Variants in VRK3 observed in about 807,000 individuals in gnomAD.
The protein encoded by VRK3 is VRK serine/threonine kinase 3.
A neutral mutation model predicts 60.4 loss-of-function variants in VRK3; 50 were observed. That is an observed-to-expected ratio of 0.83 (90% confidence interval 0.66 to 1.05). The LOEUF (loss-of-function observed/expected upper bound fraction) is 1.05. VRK3 is among the 50% of genes least tolerant of loss of function. The pLI is 0.00. For missense variants in VRK3, 549 were observed against 585.3 expected (o/e 0.94, Z 0.64); for synonymous variants, 246 against 227.8 (o/e 1.08, Z -0.72).
At chr19:50,014,172 C>T (rs192735691) in intron 3 of VRK3, among the ~76,000 whole-genome samples, 1 of 152,100 alleles carries the variant, frequency 6.6e-6, no homozygotes, top group African/African-American at 2.4e-5. Context: ...GAGACTGAGG[C>T]ACAAGAATCA....
chr19:49,994,973 A>C, intron 8 of VRK3, 54 bp from the exon 9 acceptor site: 2 of 1,541,100 alleles, frequency 1.3e-6, no homozygotes, highest in Non-Finnish European at 1.8e-6. Context: ...AGAGAGGAGT[A>C]CCGGCCGCCA....
At chr19:49,982,984 C>T (rs949661653) in intron 12 of VRK3, among the ~76,000 whole-genome samples, 1 of 152,118 alleles carries the variant, frequency 6.6e-6, no homozygotes, top group Non-Finnish European at 1.5e-5. Context: ...TCTCTCTGCC[C>T]CATGTCCTCC....
At chr19:49,979,532 C>T (rs1237512117) in intron 13 of VRK3, among the ~76,000 whole-genome samples, 4 of 152,190 alleles carry the variant, frequency 2.6e-5, no homozygotes, top group Non-Finnish European at 5.9e-5. Context: ...AAGACCCCTC[C>T]CCTGGCCTGC....
chr19:50,009,090 G>C, intron 4 of VRK3, 146 bp downstream of exon 4: 1 of 964,976 alleles, frequency 1.0e-6, no homozygotes, highest in Non-Finnish European at 1.6e-6. Flanking sequence ...GGGGGAGATG[G>C]GAGGCTGGGG....
intron 6 of VRK3, 25 bp downstream of exon 6, chr19:50,000,765 G>GC (rs996582976): frequency 3.1e-6 from 5 of 1,602,688 alleles, no homozygotes; most frequent in Middle Eastern, 1.7e-4. Context: ...CCTCCAAGCT[G>GC]CCCCCCACCT....
chr19:49,984,152 T>C (rs1600654981), intron 12 of VRK3, among the ~76,000 whole-genome samples: 1 of 152,030 alleles, frequency 6.6e-6, no homozygotes, highest in Admixed American at 6.6e-5. Flanking sequence ...AGTTAGGAAG[T>C]GAAGTGGGGA....
chr19:49,989,691 G>T lies in VRK3; in HGVS notation c.1044C>A (p.Ser348Arg). The change falls in exon 11 of 15, where the codon AGC (serine) becomes AGA (arginine). Residue 348 changes from serine to arginine, a missense_variant. Ser to Arg is a moderately radical substitution (Grantham distance 110, BLOSUM62 -1). Transcript: ENST00000316763. ...KHVAYVEGSR[S>R]PHEGDLEFIS... The stretch of plus-strand genomic sequence containing the variant: ...TGAACTCAAGGTCCCCCTCGTGAGG[G>T]CTCCTGCTGCCTTCCACGTAGGCCA... 3 of 1,613,812 alleles carry T rather than the reference G, an allele frequency of 1.9e-6. No homozygotes were observed. Among genetic ancestry groups the T allele is most frequent in the Non-Finnish European group, 1.7e-6 (2 of 1,179,822 alleles).
Position 49,988,291 on chromosome 19 carries a change from C to A in VRK3, c.1217+81G>T. 3 of 1,540,514 alleles carry A rather than the reference C, an allele frequency of 1.9e-6. No homozygotes were observed. The East Asian group carries it at 7.1e-5, about 37-fold the overall frequency. On this transcript the variant is annotated intron_variant, in intron 12 of 14. Transcript: ENST00000316763. ...ATGCCACCTCCCCTTCCCTCCTGCT[C>A]CCAGTTGGGCTCTGGGCTTCTGTCC...
intron 11 of VRK3, among the ~76,000 whole-genome samples, chr19:49,988,726 T>C (rs2076560183): frequency 6.6e-6 from 1 of 152,156 alleles, no homozygotes; most frequent in African/African-American, 2.4e-5. Context: ...GTCACCCTCA[T>C]CCACTCCTCT....
At chr19:50,005,267 T>C (rs937279418) in intron 5 of VRK3, among the ~76,000 whole-genome samples, 1 of 149,296 alleles carries the variant, frequency 6.7e-6, no homozygotes, top group Non-Finnish European at 1.5e-5. Context: ...GATTCGGGGC[T>C]GTCTGAAACA....
At chr19:49,979,011 C>T in intron 14 of VRK3, 72 bp downstream of exon 14, 1 of 1,484,924 alleles carries the variant, frequency 6.7e-7, no homozygotes. Flanking sequence ...TGGGAAGTGT[C>T]TCCTGGAGCC....
intron 6 of VRK3, chr19:49,999,339 T>A (rs1473990089): frequency 1.3e-5 from 2 of 152,212 alleles, no homozygotes; most frequent in African/African-American, 4.8e-5. Flanking sequence ...GCGAGCGACG[T>A]GGGCACAGCC....
At chr19:49,994,696 C>T in intron 9 of VRK3, 118 bp downstream of exon 9, 1 of 915,936 alleles carries the variant, frequency 1.1e-6, no homozygotes, top group Non-Finnish European at 1.6e-6. Flanking sequence ...GTGAGCCAGC[C>T]CCCAGTGTGC....
In VRK3 at chr19:49,994,802, C is replaced by T. The variant is rs150533830; in HGVS notation, c.870+12G>A. The stretch of plus-strand genomic sequence containing the variant: ...CCCTGACGCGGCAGCTGAGCAACTT[C>T]TGGGTACGCACCAGCCGGCAGGCCA... On this transcript the variant is annotated intron_variant, in intron 9 of 14. Transcript: ENST00000316763. 1.9e-5 allele frequency: 30 copies of T among 1,609,804 alleles called. No homozygotes were observed. In the East Asian group the frequency reaches 3.6e-4, roughly 19 times the overall value.
intron 12 of VRK3, chr19:49,986,535 A>C (rs2076518819): frequency 6.5e-6 from 1 of 152,966 alleles, no homozygotes; most frequent in African/African-American, 2.4e-5. Flanking sequence ...TTTTGAGGGT[A>C]CAAATACATC....
chr19:50,007,088 C>T (rs565202861), intron 5 of VRK3, among the ~76,000 whole-genome samples: 1 of 152,336 alleles, frequency 6.6e-6, no homozygotes, highest in South Asian at 2.1e-4. Flanking sequence ...GTGTGGGAGG[C>T]CTGCCTGCTC....
intron 3 of VRK3, 22 bp downstream of exon 3, chr19:50,016,002 G>A: frequency 6.2e-7 from 1 of 1,614,096 alleles, no homozygotes; most frequent in Non-Finnish European, 8.5e-7. Context: ...CGCAGAAACA[G>A]GCTCAATGCT....
chr19:50,022,807 TA>T (rs2077192800), intron 1 of VRK3, among the ~76,000 whole-genome samples: 1 of 151,374 alleles, frequency 6.6e-6, no homozygotes, highest in Non-Finnish European at 1.5e-5. Flanking sequence ...AATAAACAAA[TA>T]AATAAATAAA....
intron 10 of VRK3, among the ~76,000 whole-genome samples, chr19:49,991,228 A>G (rs10406726): frequency 0.052 from 7,964 of 152,190 alleles, 686 homozygotes; most frequent in African/African-American, 0.18. Context: ...AGCAAGGCAG[A>G]TTATTCTCCT....
Sources: allele counts gnomAD v4.1 joint callset (sites outside exome capture counted in the v4.1 genomes callset), GRCh38; gene constraint gnomAD v4.1.1; transcripts MANE v1.5; gene names NCBI Gene and HGNC (gene_info 2026-07-23, HGNC 2026-07-21).